The following MYO3A variants were observed in gnomAD, a reference collection of about 807,000 sequenced individuals.
MYO3A encodes the protein myosin-IIIa.
Under a neutral mutation model 192.7 loss-of-function variants are expected in MYO3A, and 180 were observed. The observed-to-expected ratio is 0.93, with a 90% CI of 0.83 to 1.06. The LOEUF is 1.06. Ranked by LOEUF, MYO3A falls within the 50% of genes least tolerant of loss-of-function variation. MYO3A has a pLI of 0.00. For missense variants in MYO3A, 1,896 were observed against 1,905.0 expected (o/e 1.00, Z 0.09); for synonymous variants, 628 against 645.3 (o/e 0.97, Z 0.41).
chr10:25,964,300 C>T (rs895966549), intron 4 of MYO3A, among the ~76,000 whole-genome samples: 6 of 152,064 alleles, frequency 3.9e-5, no homozygotes, highest in African/African-American at 9.7e-5. Context: ...GAAAATTTTA[C>T]ACACTACAAA....
Position 26,203,179 on chromosome 10 carries a change from C to T in MYO3A, c.4730+72C>T, listed in dbSNP as rs575286779. On this transcript the variant is annotated intron_variant, in intron 34 of 34. Transcript: ENST00000642920. Reference sequence around the variant, plus strand: ...CAATTTCATTTCTTAAGATATTTCACTTTATATATAGATGAATGACAAAGC... The same window carrying T: ...CAATTTCATTTCTTAAGATATTTCATTTTATATATAGATGAATGACAAAGC... 8.1e-6 allele frequency: 12 copies of T among 1,485,112 alleles called. No individual in the cohort carries two copies. The Admixed American group carries it at 1.2e-4, about 15-fold the overall frequency. The allele number at this position is 1,485,112 out of a possible 1,614,324, so 92.0% of individuals were successfully genotyped here. A position where few individuals can be genotyped will look rare whatever the true frequency, so the allele number is the denominator to read the frequency against.
intron 2 of MYO3A, among the ~76,000 whole-genome samples, chr10:25,940,299 GT>G (rs1020742276): frequency 8.7e-4 from 128 of 147,634 alleles, no homozygotes; most frequent in African/African-American, 2.5e-3. Flanking sequence ...GTAAAGTCAG[GT>G]TTTTTTTTTC....
intron 32 of MYO3A, among the ~76,000 whole-genome samples, chr10:26,195,553 C>T (rs916174831): frequency 1.3e-5 from 2 of 152,198 alleles, no homozygotes; most frequent in East Asian, 1.9e-4. Flanking sequence ...AAAATCTGGG[C>T]CTGCTCACCT....
chr10:25,965,842 A>T, intron 4 of MYO3A, among the ~76,000 whole-genome samples: 1 of 151,914 alleles, frequency 6.6e-6, no homozygotes, highest in Non-Finnish European at 1.5e-5. Context: ...ACTGAGTTCA[A>T]TGCCTCACAA....
chr10:26,075,312 G>A (rs1835462877), intron 14 of MYO3A, among the ~76,000 whole-genome samples: 1 of 150,798 alleles, frequency 6.6e-6, no homozygotes, highest in South Asian at 2.1e-4. Context: ...CGGGATACAG[G>A]TGGTATTTGG....
chr10:26,032,547 C>T (rs1330898676), intron 10 of MYO3A, among the ~76,000 whole-genome samples: 4 of 151,592 alleles, frequency 2.6e-5, no homozygotes, highest in African/African-American at 7.3e-5. Flanking sequence ...ACCAGGGAGG[C>T]GGAGGTTGCA....
chr10:26,115,817 C>G (rs1385603397), intron 17 of MYO3A, among the ~76,000 whole-genome samples: 4 of 152,076 alleles, frequency 2.6e-5, no homozygotes, highest in African/African-American at 9.7e-5. Flanking sequence ...CTTACTAGTG[C>G]ATAAGAAGAT....
chr10:26,123,103 C>CA (rs958540123), intron 18 of MYO3A, among the ~76,000 whole-genome samples: 4 of 151,582 alleles, frequency 2.6e-5, no homozygotes, highest in African/African-American at 7.3e-5. Flanking sequence ...AATTTAAATG[C>CA]AAAAAAATCA....
chr10:26,137,013 G>C (rs1224853946), intron 20 of MYO3A, among the ~76,000 whole-genome samples: 1 of 145,442 alleles, frequency 6.9e-6, no homozygotes, highest in Non-Finnish European at 1.5e-5. Context: ...GCAAGACTCT[G>C]TCTCAAAAAA....
At chr10:26,188,416 C>A (rs1378229584) in intron 31 of MYO3A, among the ~76,000 whole-genome samples, 1 of 152,078 alleles carries the variant, frequency 6.6e-6, no homozygotes, top group Admixed American at 6.6e-5. Flanking sequence ...GAGTAGATTG[C>A]AAAAATTTTC....
chr10:26,143,471 G>A lies in MYO3A; in HGVS notation c.2286G>A (p.Val762=), dbSNP rs769033565. Residue 762 remains valine (V), a synonymous_variant, in exon 21 of 35, where the codon GTG becomes GTA. Transcript: ENST00000642920. ...WEQNEYLNED[V]DARVIEYEDN... is the part of the protein sequence containing the mutation. Reference sequence around the variant, plus strand: ...AGAATGAATACCTAAATGAAGATGTGGATGCTAGAGTTATTGAATATGAGG... The same window carrying A: ...AGAATGAATACCTAAATGAAGATGTAGATGCTAGAGTTATTGAATATGAGG... 2 of 1,612,452 alleles carry A rather than the reference G, an allele frequency of 1.2e-6. No individual in the cohort carries two copies. The highest frequency in any genetic ancestry group is 1.3e-5 in the African/African-American group (1 of 74,870).
chr10:26,058,953 A>G (rs1564505224), intron 10 of MYO3A, among the ~76,000 whole-genome samples: 2 of 151,992 alleles, frequency 1.3e-5, no homozygotes, highest in Non-Finnish European at 2.9e-5. Context: ...GTGCAAATGT[A>G]AGTGGTATTG....
At chr10:25,995,243 A>T (rs1840349840) in intron 4 of MYO3A, among the ~76,000 whole-genome samples, 1 of 151,886 alleles carries the variant, frequency 6.6e-6, no homozygotes, top group African/African-American at 2.4e-5. Context: ...TTTTCGCTTC[A>T]TTTCATTCAT....
At chr10:26,136,585 T>C (rs1018911708) in intron 20 of MYO3A, among the ~76,000 whole-genome samples, 94 of 152,272 alleles carry the variant, frequency 6.2e-4, no homozygotes, top group African/African-American at 2.0e-3. Flanking sequence ...TATAGTAAAA[T>C]GATGAGGTGG....
At chr10:25,950,008 G>A (rs566090679) in intron 2 of MYO3A, among the ~76,000 whole-genome samples, 3 of 152,196 alleles carry the variant, frequency 2.0e-5, no homozygotes, top group Non-Finnish European at 2.9e-5. Flanking sequence ...CATTGTTTTC[G>A]GAATTGTGGA....
At chr10:26,210,907 C>A (rs1844193996) in intron 34 of MYO3A, among the ~76,000 whole-genome samples, 1 of 152,108 alleles carries the variant, frequency 6.6e-6, no homozygotes, top group Admixed American at 6.6e-5. Flanking sequence ...TGTCTTCCTT[C>A]AGGTCTCTCC....
intron 25 of MYO3A, among the ~76,000 whole-genome samples, chr10:26,156,553 G>T (rs1296858222): frequency 6.6e-6 from 1 of 152,172 alleles, no homozygotes; most frequent in African/African-American, 2.4e-5. Context: ...ATAAGAAAAT[G>T]ATCAAATTAG....
intron 14 of MYO3A, among the ~76,000 whole-genome samples, chr10:26,081,301 T>C (rs1835943109): frequency 6.6e-6 from 1 of 151,890 alleles, no homozygotes; most frequent in Non-Finnish European, 1.5e-5. Flanking sequence ...CTAGGAGGAT[T>C]ATTGCTGCTT....
At position 26,060,496 on chromosome 10, in the gene MYO3A, G is replaced by A. The variant is rs116598901; in HGVS notation, c.954-6479G>A. 8.7e-3 allele frequency among the ~76,000 whole-genome samples: 1,318 copies of A among 151,926 alleles called. 15 individuals are homozygous for A. The highest frequency in any genetic ancestry group is 0.029 in the African/African-American group (1,199 of 41,452). On this transcript the variant is annotated intron_variant, in intron 10 of 34. Coordinates refer to ENST00000642920, the MANE Select transcript of MYO3A (RefSeq NM_017433.5). ...CAAACAAACAAACAAACAAAAGACA[G>A]TGATACAAGAATATTCTAAAGCCAA...
Sources: allele counts gnomAD v4.1 joint callset (sites outside exome capture counted in the v4.1 genomes callset), GRCh38; gene constraint gnomAD v4.1.1; transcripts MANE v1.5; gene names NCBI Gene and HGNC (gene_info 2026-07-23, HGNC 2026-07-21).